Variants in CSMD1 observed in about 807,000 individuals in gnomAD.
CSMD1 encodes the protein CUB and sushi domain-containing protein 1.
A neutral mutation model predicts 417.5 loss-of-function variants in CSMD1; 213 were observed. That is an observed-to-expected ratio of 0.51 (90% CI 0.46 to 0.57). CSMD1 has a LOEUF of 0.57. Among genes scored for constraint, CSMD1 ranks in the 20% least tolerant of loss-of-function variants. CSMD1 has a pLI of 0.00. For missense variants in CSMD1, 6,923 were observed against 4,529.7 expected, an observed-to-expected ratio of 1.53 and a Z score of -15.17; for synonymous variants, 2,862 against 1,736.8, an observed-to-expected ratio of 1.65 and a Z score of -16.11.
At chr8:3,432,110 T>C (rs367714117) in intron 12 of CSMD1, among the ~76,000 whole-genome samples, 8 of 152,206 alleles carry the variant, frequency 5.3e-5, no homozygotes, top group Non-Finnish European at 8.8e-5. Context: ...TTGGTAGTTA[T>C]CAACCAACAA....
chr8:3,864,460 A>G (rs1255619310), intron 5 of CSMD1, among the ~76,000 whole-genome samples: 1 of 152,222 alleles, frequency 6.6e-6, no homozygotes, highest in East Asian at 1.9e-4. Context: ...TAAGGAAAAG[A>G]GGGAGGAAGA....
chr8:3,309,016 G>T (rs559174031), intron 23 of CSMD1, among the ~76,000 whole-genome samples: 4 of 152,044 alleles, frequency 2.6e-5, no homozygotes, highest in Admixed American at 2.6e-4. Flanking sequence ...GAGCCACTGC[G>T]CCCGGCCCCT....
chr8:3,737,932 T>C (rs1254224582), intron 6 of CSMD1, among the ~76,000 whole-genome samples: 4 of 152,184 alleles, frequency 2.6e-5, no homozygotes, highest in African/African-American at 7.2e-5. Flanking sequence ...AGGTAGATAA[T>C]TGTCAAGGGA....
chr8:4,048,374 C>A (rs765031179), intron 3 of CSMD1, among the ~76,000 whole-genome samples: 1 of 152,156 alleles, frequency 6.6e-6, no homozygotes, highest in East Asian at 1.9e-4. Context: ...CAACAGCTAA[C>A]ACAGACAATG....
At chr8:3,736,024 G>A (rs1437387122) in intron 6 of CSMD1, among the ~76,000 whole-genome samples, 2 of 152,024 alleles carry the variant, frequency 1.3e-5, no homozygotes, top group African/African-American at 2.4e-5. Context: ...AAAAAATAGA[G>A]GGAATAGAAA....
At chr8:4,344,345 G>A (rs1800655961) in intron 3 of CSMD1, among the ~76,000 whole-genome samples, 1 of 151,908 alleles carries the variant, frequency 6.6e-6, no homozygotes, top group African/African-American at 2.4e-5. Context: ...ACATCTTTCA[G>A]GTTTGGTACA....
chr8:4,503,642 C>A (rs1318054462), intron 2 of CSMD1, among the ~76,000 whole-genome samples: 1 of 151,988 alleles, frequency 6.6e-6, no homozygotes, highest in Non-Finnish European at 1.5e-5. Flanking sequence ...GCAACCGAGG[C>A]CCAACACATG....
At chr8:4,637,120 A>C (rs1299918581) in intron 2 of CSMD1, among the ~76,000 whole-genome samples, 1 of 152,210 alleles carries the variant, frequency 6.6e-6, no homozygotes, top group South Asian at 2.1e-4. Context: ...CGCTCTTAGC[A>C]ATAAACCTTG....
At chr8:4,086,886 A>C (rs1456559401) in intron 3 of CSMD1, among the ~76,000 whole-genome samples, 1 of 152,228 alleles carries the variant, frequency 6.6e-6, no homozygotes, top group Non-Finnish European at 1.5e-5. Context: ...AACTGCAAGT[A>C]AATGTTGGCA....
intron 54 of CSMD1, among the ~76,000 whole-genome samples, chr8:2,990,699 A>C (rs1402704046): frequency 6.6e-6 from 1 of 152,178 alleles, no homozygotes; most frequent in Non-Finnish European, 1.5e-5. Flanking sequence ...GAGAGTGAGA[A>C]CAAAGTAACT....
intron 6 of CSMD1, among the ~76,000 whole-genome samples, chr8:3,725,654 G>A (rs1443777302): frequency 6.6e-6 from 1 of 152,106 alleles, no homozygotes; most frequent in Non-Finnish European, 1.5e-5. Context: ...GATGGAGTGA[G>A]CAGTGGAGGA....
intron 5 of CSMD1, among the ~76,000 whole-genome samples, chr8:3,845,672 G>T (rs530792722): frequency 6.6e-6 from 1 of 152,084 alleles, no homozygotes; most frequent in East Asian, 1.9e-4. Flanking sequence ...TCAATAATAA[G>T]TTAACTTTAG....
intron 4 of CSMD1, among the ~76,000 whole-genome samples, chr8:4,017,697 T>C (rs1013509631): frequency 2.6e-5 from 4 of 152,182 alleles, no homozygotes; most frequent in African/African-American, 4.8e-5. Flanking sequence ...AAAAACTGCA[T>C]GGTCACAGGA....
chr8:4,289,725 C>T (rs1448217949), intron 3 of CSMD1, among the ~76,000 whole-genome samples: 1 of 152,164 alleles, frequency 6.6e-6, no homozygotes, highest in Non-Finnish European at 1.5e-5. Flanking sequence ...TGAGATTTTG[C>T]TACTGGGTAA....
rs530208968 is a variant in CSMD1, at chr8:3,630,874, G to A, written c.1010-14077C>T. ...ACCAAGAGGAAACCTCAGTTGGTCTGTTGGTTATATGCATGTGTGTCTGGA... is the reference window on the plus strand; with the variant it reads ...ACCAAGAGGAAACCTCAGTTGGTCTATTGGTTATATGCATGTGTGTCTGGA... On this transcript the variant is annotated intron_variant, in intron 7 of 69. Transcript: ENST00000635120. 3.9e-5 allele frequency among the ~76,000 whole-genome samples: 6 copies of A among 152,294 alleles called. 1 individual carries two copies. In the South Asian group the frequency reaches 1.2e-3, roughly 32 times the overall value.
intron 5 of CSMD1, among the ~76,000 whole-genome samples, chr8:3,951,786 C>T (rs1393640077): frequency 6.6e-6 from 1 of 151,964 alleles, no homozygotes; most frequent in Non-Finnish European, 1.5e-5. Flanking sequence ...GTGCTGAGAA[C>T]AAATTAGTGA....
At chr8:4,756,142 A>T (rs1585049088) in intron 1 of CSMD1, among the ~76,000 whole-genome samples, 1 of 152,328 alleles carries the variant, frequency 6.6e-6, no homozygotes, top group East Asian at 1.9e-4. Flanking sequence ...ATTCTGTATC[A>T]ATTAAACTTT....
At chr8:4,374,422 A>C (rs887870021) in intron 3 of CSMD1, among the ~76,000 whole-genome samples, 1 of 152,152 alleles carries the variant, frequency 6.6e-6, no homozygotes, top group African/African-American at 2.4e-5. Context: ...ACCTGAAAAA[A>C]CTTTTTGTAG....
chr8:4,844,830 CTTAAAAAT>C (rs1193722416), intron 1 of CSMD1, among the ~76,000 whole-genome samples: 1 of 152,122 alleles, frequency 6.6e-6, no homozygotes, highest in East Asian at 1.9e-4. Flanking sequence ...CCAAACCAGC[CTTAAAAAT>C]TTAAAAAGCT....
Sources: gnomAD v4.1 joint callset for allele counts (sites outside exome capture counted in the v4.1 genomes callset) on GRCh38, gnomAD v4.1.1 for gene constraint, MANE v1.5 for transcripts, NCBI Gene and HGNC (gene_info 2026-07-23, HGNC 2026-07-21) for gene names.